The following NCAM2 variants were observed in gnomAD, a reference collection of about 807,000 sequenced individuals.
NCAM2 encodes N-CAM-2.
NCAM2 carries 30 observed loss-of-function variants against 98.1 expected under a neutral mutation model. That is an observed-to-expected ratio of 0.31 (90% confidence interval 0.23 to 0.41). The LOEUF is 0.41. Among genes scored for constraint, NCAM2 ranks in the 10% least tolerant of loss-of-function variants. The pLI is 1.00. For missense variants in NCAM2, 867 were observed against 1,005.8 expected (o/e 0.86, Z 1.87); for synonymous variants, 368 against 342.4 (o/e 1.07, Z -0.83).
At chr21:21,389,418 A>G (rs1228159324) in intron 9 of NCAM2, among the ~76,000 whole-genome samples, 1 of 152,238 alleles carries the variant, frequency 6.6e-6, no homozygotes, top group Non-Finnish European at 1.5e-5. Context: ...TTGAGTAGGG[A>G]CACAGCTAAA....
chr21:21,507,590 G>A (rs1045849125), intron 15 of NCAM2, among the ~76,000 whole-genome samples: 7 of 151,912 alleles, frequency 4.6e-5, no homozygotes, highest in African/African-American at 9.7e-5. Context: ...TCAGGAGATC[G>A]AGACCATCCT....
intron 12 of NCAM2, among the ~76,000 whole-genome samples, chr21:21,462,521 T>C (rs1335510118): frequency 1.3e-5 from 2 of 151,978 alleles, no homozygotes; most frequent in South Asian, 4.1e-4. Flanking sequence ...GTAGTTCCCT[T>C]TAATAAAGTC....
intron 1 of NCAM2, among the ~76,000 whole-genome samples, chr21:21,034,963 A>G (rs2064767731): frequency 2.6e-5 from 4 of 152,204 alleles, no homozygotes; most frequent in Admixed American, 2.6e-4. Flanking sequence ...CTAGGTTAGG[A>G]AACCAGGAGG....
At chr21:21,441,283 A>G (rs1979229890) in intron 12 of NCAM2, among the ~76,000 whole-genome samples, 1 of 152,188 alleles carries the variant, frequency 6.6e-6, no homozygotes, top group Non-Finnish European at 1.5e-5. Context: ...GTGACATCCT[A>G]GTGAATCTCC....
chr21:21,028,237 C>A (rs1236048069), intron 1 of NCAM2, among the ~76,000 whole-genome samples: 1 of 152,170 alleles, frequency 6.6e-6, no homozygotes, highest in Non-Finnish European at 1.5e-5. Context: ...GTTGTTTTTA[C>A]AATTTTGACA....
At chr21:21,290,269 A>T (rs2147560557) in intron 4 of NCAM2, 1 of 152,096 alleles carries the variant, frequency 6.6e-6, no homozygotes, top group South Asian at 2.1e-4. Context: ...AAATGCAGTA[A>T]TACAATGATC....
chr21:21,343,352 TACACATACACACACAC>T (rs1397131141), intron 8 of NCAM2, among the ~76,000 whole-genome samples: 4 of 110,076 alleles, frequency 3.6e-5, no homozygotes, highest in African/African-American at 7.0e-5. Flanking sequence ...CAACTATCTA[TACACATACACACACAC>T]ACACACACAC....
At chr21:21,337,450 T>C (rs1425659798) in intron 7 of NCAM2, among the ~76,000 whole-genome samples, 1 of 152,030 alleles carries the variant, frequency 6.6e-6, no homozygotes, top group Non-Finnish European at 1.5e-5. Context: ...TTGTTAAAAA[T>C]TCTGTATGCT....
intron 9 of NCAM2, among the ~76,000 whole-genome samples, chr21:21,378,244 C>A (rs1404688026): frequency 6.6e-6 from 1 of 151,036 alleles, no homozygotes; most frequent in Non-Finnish European, 1.5e-5. Flanking sequence ...CTCTCATTTT[C>A]TTTTTGGGAG....
At chr21:21,223,966 G>A (rs983574701) in intron 1 of NCAM2, among the ~76,000 whole-genome samples, 3 of 152,132 alleles carry the variant, frequency 2.0e-5, no homozygotes, top group African/African-American at 7.2e-5. Context: ...GAAAGAGAAA[G>A]CAATCACGGA....
chr21:21,154,563 A>G (rs2067552186), intron 1 of NCAM2, among the ~76,000 whole-genome samples: 1 of 151,924 alleles, frequency 6.6e-6, no homozygotes, highest in Non-Finnish European at 1.5e-5. Flanking sequence ...AAGGAAAGAC[A>G]CAAAACGAAA....
At position 21,542,464 on chromosome 21, in the gene NCAM2, G is replaced by A. The variant is rs1439904215; in HGVS notation, c.*4507G>A. Reference sequence around the variant, plus strand: ...AATTTTCATTTTATACAATTTTTGAGATTCTGGCCACACAACATTCAGAAT... The same window carrying A: ...AATTTTCATTTTATACAATTTTTGAAATTCTGGCCACACAACATTCAGAAT... On this transcript the variant is annotated 3_prime_UTR_variant, in exon 18 of 18. Transcript: ENST00000400546. 1 of 151,574 alleles carries A rather than the reference G, an allele frequency of 6.6e-6. No individual in the cohort carries two copies. The highest frequency in any genetic ancestry group is 6.6e-5 in the Admixed American group (1 of 15,154). The allele number at this position is 151,574 out of a possible 1,614,324, so 9.4% of individuals were successfully genotyped here. A position where few individuals can be genotyped will look rare whatever the true frequency, so the allele number is the denominator to read the frequency against.
chr21:21,197,822 G>C (rs1366188143), intron 1 of NCAM2, among the ~76,000 whole-genome samples: 1 of 152,140 alleles, frequency 6.6e-6, no homozygotes, highest in Non-Finnish European at 1.5e-5. Context: ...CTACTGAGGG[G>C]GTTGGGAGGG....
chr21:21,274,402 T>G (rs1601837364), intron 1 of NCAM2, among the ~76,000 whole-genome samples: 1 of 152,168 alleles, frequency 6.6e-6, no homozygotes, highest in East Asian at 1.9e-4. Flanking sequence ...CCTAAAATGT[T>G]TGACGTTAGA....
chr21:21,449,444 C>T (rs1280476498), intron 12 of NCAM2, among the ~76,000 whole-genome samples: 1 of 151,658 alleles, frequency 6.6e-6, no homozygotes, highest in Non-Finnish European at 1.5e-5. Context: ...ATTCAATGTA[C>T]ATATGATGTT....
chr21:21,194,570 A>C (rs2068939032), intron 1 of NCAM2, among the ~76,000 whole-genome samples: 1 of 152,178 alleles, frequency 6.6e-6, no homozygotes. Context: ...GTCCAGTAGC[A>C]CTAATAAATC....
At chr21:21,500,844 A>G (rs571259484) in intron 15 of NCAM2, among the ~76,000 whole-genome samples, 1 of 152,180 alleles carries the variant, frequency 6.6e-6, no homozygotes, top group African/African-American at 2.4e-5. Flanking sequence ...TCACAACTCC[A>G]TAATGTTGAA....
chr21:20,998,671 C>T lies in NCAM2; in HGVS notation c.55+53C>T, dbSNP rs982147209. The stretch of plus-strand genomic sequence containing the variant: ...ACTTTCCCTCCCCCTTCCACCCGGC[C>T]AAGAGAGGCAAAGAGGGAGGCGCAG... On this transcript the variant is annotated intron_variant, in intron 1 of 17. Transcript: ENST00000400546. 23 of 1,531,804 alleles carry T rather than the reference C, an allele frequency of 1.5e-5. No homozygotes were observed. In the African/African-American group the frequency reaches 3.0e-4, roughly 20 times the overall value. 94.9% of individuals were successfully genotyped at this position (1,531,804 alleles called of 1,614,324 possible).
intron 6 of NCAM2, among the ~76,000 whole-genome samples, chr21:21,327,365 A>G (rs1158567205): frequency 2.6e-5 from 4 of 151,022 alleles, no homozygotes; most frequent in Non-Finnish European, 2.9e-5. Flanking sequence ...CTAGATGTTT[A>G]AGATCAAGAT....
Sources: gnomAD v4.1 joint callset for allele counts (sites outside exome capture counted in the v4.1 genomes callset) on GRCh38, gnomAD v4.1.1 for gene constraint, MANE v1.5 for transcripts, NCBI Gene and HGNC (gene_info 2026-07-23, HGNC 2026-07-21) for gene names.